Variants in CNTLN observed in about 807,000 individuals in gnomAD.
CNTLN encodes centlein, centrosomal protein.
In CNTLN, 212 loss-of-function variants were observed where a neutral mutation model predicts 180.0. The ratio of observed to expected loss-of-function variants is 1.18; its 90% CI spans 1.05 to 1.32. The LOEUF is 1.32. Ranked by LOEUF, CNTLN falls within the 40% of genes most tolerant of loss-of-function variation. The pLI is 0.00. For missense variants in CNTLN, 2,095 were observed against 1,610.9 expected (o/e 1.30, Z -5.14); for synonymous variants, 722 against 563.1 (o/e 1.28, Z -3.99).
intron 5 of CNTLN, among the ~76,000 whole-genome samples, chr9:17,265,252 CA>C (rs1827327316): frequency 6.6e-6 from 1 of 151,162 alleles, no homozygotes; most frequent in East Asian, 1.9e-4. Flanking sequence ...TAGCATGAAG[CA>C]TTGTTGAATT....
At chr9:17,249,345 G>GTTTTTTTTTTT (rs558059269) in intron 5 of CNTLN, among the ~76,000 whole-genome samples, 3 of 124,912 alleles carry the variant, frequency 2.4e-5, no homozygotes, top group African/African-American at 3.4e-5. Context: ...TTCTTTGATT[G>GTTTTTTTTTTT]TTTTTTTTGT....
chr9:17,190,373 T>G (rs571368650), intron 2 of CNTLN, among the ~76,000 whole-genome samples: 30 of 151,958 alleles, frequency 2.0e-4, no homozygotes, highest in Admixed American at 3.3e-4. Flanking sequence ...CTCACAACTT[T>G]CAGATAATTT....
At position 17,213,072 on chromosome 9, in the gene CNTLN, C is replaced by T. The variant is rs544902660; in HGVS notation, c.450-13131C>T. On this transcript the variant is annotated intron_variant, in intron 2 of 25. Transcript: ENST00000380647. ...CTATCTCCTTCAGTTCTGCTCTGAT[C>T]TTACTTATTTCTCGCCTTCTGCTAG... Among the ~76,000 whole-genome samples the T allele has an allele frequency of 1.3e-3, 193 of 152,216 alleles. 2 individuals are homozygous for T. Among genetic ancestry groups the T allele is most frequent in the African/African-American group, 4.5e-3 (188 of 41,538 alleles).
chr9:17,456,996 C>T (rs564730619), intron 18 of CNTLN, among the ~76,000 whole-genome samples: 16 of 152,186 alleles, frequency 1.1e-4, no homozygotes, highest in South Asian at 2.1e-4. Context: ...TAAAACTGAG[C>T]GAGTTTGTTT....
chr9:17,409,372 G>A lies in CNTLN; in HGVS notation c.2695G>A (p.Asp899Asn). ...ATCCCAGAAAATAAGTCCTACGGAA[G>A]ATGGAAAAGACCAGAAAGAAAGTGA... is the stretch of plus-strand genomic sequence containing the variant. Reference protein sequence around the residue: ...ETSQKISPTEDGKDQKESDPT... With the variant: ...ETSQKISPTENGKDQKESDPT... The change falls in exon 16 of 26, where the codon GAT (aspartate) becomes AAT (asparagine). Residue 899 changes from aspartate to asparagine, a missense_variant. Coordinates refer to ENST00000380647, the MANE Select transcript of CNTLN (RefSeq NM_017738.4). The A allele has an allele frequency of 6.2e-7, 1 of 1,613,368 alleles. No homozygotes were observed. Among genetic ancestry groups the A allele is most frequent in the Non-Finnish European group, 8.5e-7 (1 of 1,179,564 alleles).
intron 14 of CNTLN, among the ~76,000 whole-genome samples, chr9:17,392,723 G>A (rs1185216167): frequency 1.3e-5 from 2 of 151,868 alleles, no homozygotes; most frequent in African/African-American, 4.8e-5. Context: ...ATACTGTGTT[G>A]AGAAATACCC....
At chr9:17,220,589 C>G (rs551957349) in intron 2 of CNTLN, among the ~76,000 whole-genome samples, 100 of 152,110 alleles carry the variant, frequency 6.6e-4, no homozygotes, top group Admixed American at 2.8e-3. Context: ...CCTCCTCCCA[C>G]CCTGCACTCT....
chr9:17,156,330 C>G (rs1819286288), intron 2 of CNTLN, among the ~76,000 whole-genome samples: 1 of 152,106 alleles, frequency 6.6e-6, no homozygotes, highest in Non-Finnish European at 1.5e-5. Context: ...CATCATCATG[C>G]TTTGAATTCT....
rs199965039 is a variant in CNTLN at position 17,464,624 on chromosome 9, G to A, written c.3531+1G>A. The A allele has an allele frequency of 1.1e-5, 16 of 1,434,990 alleles. No homozygotes were observed. Among genetic ancestry groups the A allele is most frequent in the African/African-American group, 1.5e-5 (1 of 66,426 alleles). The allele number at this position is 1,434,990 out of a possible 1,614,324, so 88.9% of individuals were successfully genotyped here. A position where few individuals can be genotyped will look rare whatever the true frequency, so the allele number is the denominator to read the frequency against. On this transcript the variant is annotated splice_donor_variant, in intron 21 of 25. Transcript: ENST00000380647. LOFTEE classifies it high-confidence loss of function. ...AATGTTACAAAATCTTGATAAAAAG[G>A]TATCAATTTTTATCTTTACTGACAC...
intron 21 of CNTLN, among the ~76,000 whole-genome samples, 174 bp downstream of exon 21, chr9:17,464,797 T>C (rs1184916202): frequency 6.6e-6 from 1 of 151,210 alleles, no homozygotes; most frequent in Non-Finnish European, 1.5e-5. Flanking sequence ...TAAAATTCAA[T>C]TCTCTAAAAC....
In CNTLN at chr9:17,503,822, A is replaced by G. The variant is rs1403146164; in HGVS notation, c.*1170A>G. On this transcript the variant is annotated 3_prime_UTR_variant, in exon 26 of 26. Coordinates refer to ENST00000380647, the MANE Select transcript of CNTLN (RefSeq NM_017738.4). Reference sequence around the variant, plus strand: ...CTAAGAATGGTTTTTGCCTTATTAAATGGTTTTTAAAAAATCAAAAGGAGA... The same window carrying G: ...CTAAGAATGGTTTTTGCCTTATTAAGTGGTTTTTAAAAAATCAAAAGGAGA... 1 of 152,652 alleles carries G rather than the reference A, an allele frequency of 6.6e-6. No individual in the cohort carries two copies. Among genetic ancestry groups the G allele is most frequent in the African/African-American group, 2.4e-5 (1 of 41,468 alleles). 9.5% of individuals were successfully genotyped at this position (152,652 alleles called of 1,614,324 possible). A position where few individuals can be genotyped will look rare whatever the true frequency, so the allele number is the denominator to read the frequency against.
chr9:17,446,070 C>G (rs921473749), intron 18 of CNTLN, among the ~76,000 whole-genome samples: 2 of 152,154 alleles, frequency 1.3e-5, no homozygotes, highest in African/African-American at 4.8e-5. Flanking sequence ...CCTTTGTTCA[C>G]GTGTTTGTCT....
At chr9:17,366,749 G>C in intron 13 of CNTLN, 32 bp downstream of exon 13, 2 of 1,145,216 alleles carry the variant, frequency 1.7e-6, no homozygotes, top group Non-Finnish European at 2.6e-6. Flanking sequence ...ACTTAACAGA[G>C]GAATTTTAAA....
intron 9 of CNTLN, 135 bp downstream of exon 9, chr9:17,330,943 AC>A (rs1820603616): frequency 1.4e-6 from 1 of 715,382 alleles, no homozygotes; most frequent in Non-Finnish European, 2.2e-6. Context: ...TATGTACCGA[AC>A]TCTTGTTAAA....
At chr9:17,355,297 T>C (rs1333729486) in intron 12 of CNTLN, among the ~76,000 whole-genome samples, 3 of 152,204 alleles carry the variant, frequency 2.0e-5, no homozygotes, top group Non-Finnish European at 2.9e-5. Context: ...ACTGCTGGGA[T>C]TACAGGTGTG....
intron 18 of CNTLN, among the ~76,000 whole-genome samples, chr9:17,423,240 T>G (rs1274688333): frequency 1.3e-5 from 2 of 152,170 alleles, no homozygotes; most frequent in African/African-American, 4.8e-5. Context: ...TGATGTTTAT[T>G]TGAGGTCCAA....
chr9:17,490,125 A>C (rs184367896), intron 25 of CNTLN, among the ~76,000 whole-genome samples: 21 of 152,238 alleles, frequency 1.4e-4, no homozygotes, highest in Non-Finnish European at 2.8e-4. Flanking sequence ...GGACCAAATT[A>C]TAAAAGCTTT....
At chr9:17,343,015 A>G (rs10963045) in intron 12 of CNTLN, among the ~76,000 whole-genome samples, 43,701 of 152,186 alleles carry the variant, frequency 0.29, 6,651 homozygotes, top group South Asian at 0.51. Context: ...CAGAAGACAC[A>G]AGGGAATTGC....
chr9:17,216,933 A>G (rs1823799118), intron 2 of CNTLN, among the ~76,000 whole-genome samples: 1 of 152,216 alleles, frequency 6.6e-6, no homozygotes, highest in African/African-American at 2.4e-5. Flanking sequence ...CAGGGCATAA[A>G]TGTATTTTTG....
Sources: gnomAD v4.1 joint callset for allele counts (sites outside exome capture counted in the v4.1 genomes callset) on GRCh38, gnomAD v4.1.1 for gene constraint, MANE v1.5 for transcripts, NCBI Gene and HGNC (gene_info 2026-07-23, HGNC 2026-07-21) for gene names.